The following ZPR1 variants were observed in gnomAD, a reference collection of about 807,000 sequenced individuals.
The protein encoded by ZPR1 is ZPR1 zinc finger, also known as zinc finger protein ZPR1.
In ZPR1, 37 loss-of-function variants were observed where a neutral mutation model predicts 59.6. The observed-to-expected ratio is 0.62, with a 90% CI of 0.48 to 0.82. The LOEUF is 0.82. Among genes scored for constraint, ZPR1 ranks in the 40% least tolerant of loss-of-function variants. ZPR1 has a pLI of 0.00. For missense variants in ZPR1, 527 were observed against 579.9 expected (o/e 0.91, Z 0.94); for synonymous variants, 191 against 215.2 (o/e 0.89, Z 0.99).
chr11:116,787,849 C>CG lies in ZPR1; in HGVS notation c.141dup (p.Glu48ArgfsTer74). The CG allele has an allele frequency of 1.3e-6, 2 of 1,558,558 alleles. No homozygotes were observed. Among genetic ancestry groups the CG allele is most frequent in the Non-Finnish European group, 1.7e-6 (2 of 1,152,962 alleles). ...CAGTAACAGTTCATGCATAGCGACT[C>CG]GATCTCGGTGGGCTGCTGCTCCTCG... On this transcript the variant is annotated frameshift_variant, in exon 1 of 14. Coordinates refer to ENST00000227322, the MANE Select transcript of ZPR1 (RefSeq NM_003904.5). LOFTEE classifies it high-confidence loss of function.
At position 116,786,887 on chromosome 11, in the gene ZPR1, C is replaced by A. The variant is rs1940895484; in HGVS notation, c.424+82G>T. 3.6e-6 allele frequency: 4 copies of A among 1,124,686 alleles called. No homozygotes were observed. In the Admixed American group the frequency reaches 5.1e-5, roughly 14 times the overall value. The allele number at this position is 1,124,686 out of a possible 1,614,324, so 69.7% of individuals were successfully genotyped here. ...AGAACCCATACACAAACCACTAGAC[C>A]TGGCACCAGGGGGTTTTGCAAGAAA... On this transcript the variant is annotated intron_variant, in intron 3 of 13. Transcript: ENST00000227322.
chr11:116,787,771 C>T (rs753623847), intron 1 of ZPR1, 49 bp downstream of exon 1: 3 of 1,524,560 alleles, frequency 2.0e-6, no homozygotes, highest in Admixed American at 4.1e-5. Context: ...CGGCTCGTCC[C>T]GGCACAAGCC....
chr11:116,787,874 G>T lies in ZPR1; in HGVS notation c.117C>A (p.Asp39Glu). The change falls in exon 1 of 14, where the codon GAC becomes GAA. Residue 39 changes from aspartate (D) to glutamate (E), a missense_variant. Physicochemically the swap from Asp to Glu is conservative, Grantham distance 45. Transcript: ENST00000227322. ...DHLFRPISAE[D>E]EEQQPTEIES... The stretch of plus-strand genomic sequence containing the variant: ...CGATCTCGGTGGGCTGCTGCTCCTC[G>T]TCCTCGGCGCTGATGGGCCGGAACA... 6.5e-7 allele frequency: 1 copy of T among 1,531,512 alleles called. No homozygotes were observed. 94.9% of individuals were successfully genotyped at this position (1,531,512 alleles called of 1,614,324 possible). A position where few individuals can be genotyped will look rare whatever the true frequency, so the allele number is the denominator to read the frequency against.
chr11:116,778,935 G>A lies in ZPR1; in HGVS notation c.1370C>T (p.Pro457Leu), dbSNP rs758463265. The change falls in exon 14 of 14, where the codon CCG (proline) becomes CTG (leucine). Residue 457 changes from proline (P) to leucine (L), a missense_variant. Physicochemically the swap from Pro to Leu is moderately conservative, Grantham distance 98. Coordinates refer to ENST00000227322, the MANE Select transcript of ZPR1 (RefSeq NM_003904.5). Reference sequence around the variant, plus strand: ...TTGAGCCACCCACTGCTACCGTTGCGGAGCCAGGCCTGCCTCATAGCCCTC... The same window carrying A: ...TTGAGCCACCCACTGCTACCGTTGCAGAGCCAGGCCTGCCTCATAGCCCTC... The part of the protein sequence containing the change: ...KTEGYEAGLA[P>L]QR The A allele has an allele frequency of 1.5e-5, 25 of 1,613,678 alleles. No homozygotes were observed. Among genetic ancestry groups the A allele is most frequent in the East Asian group, 4.5e-5 (2 of 44,886 alleles).
At chr11:116,786,448 C>T in intron 4 of ZPR1, 63 bp downstream of exon 4, 2 of 1,584,186 alleles carry the variant, frequency 1.3e-6, no homozygotes, top group Non-Finnish European at 1.7e-6. Context: ...TCTTCAGACA[C>T]ATGGGACACT....
chr11:116,779,879 C>A (rs914952197), intron 12 of ZPR1, 42 bp from the exon 13 acceptor site: 6 of 1,105,482 alleles, frequency 5.4e-6, no homozygotes, highest in Non-Finnish European at 6.4e-6. Flanking sequence ...TTTACATAAC[C>A]CCTGGTAAAA....
chr11:116,778,816 T>C lies in ZPR1; in HGVS notation c.*109A>G. Reference sequence around the variant, plus strand: ...CTCAGACCAGATGTCCTCCCCACCATGGGCAAGGGCTGGTGGGAAAGACAC... The same window carrying C: ...CTCAGACCAGATGTCCTCCCCACCACGGGCAAGGGCTGGTGGGAAAGACAC... On this transcript the variant is annotated 3_prime_UTR_variant, in exon 14 of 14. Coordinates refer to ENST00000227322, the MANE Select transcript of ZPR1 (RefSeq NM_003904.5). 1.4e-6 allele frequency: 2 copies of C among 1,387,048 alleles called. No homozygotes were observed. Among genetic ancestry groups the C allele is most frequent in the Non-Finnish European group, 1.9e-6 (2 of 1,031,978 alleles). The allele number at this position is 1,387,048 out of a possible 1,614,324, so 85.9% of individuals were successfully genotyped here. A position where few individuals can be genotyped will look rare whatever the true frequency, so the allele number is the denominator to read the frequency against.
Position 116,778,860 on chromosome 11 carries a change from T to C in ZPR1, c.*65A>G. 1.3e-6 allele frequency: 2 copies of C among 1,580,118 alleles called. No individual in the cohort carries two copies. The highest frequency in any genetic ancestry group is 1.8e-5 in the Admixed American group (1 of 56,720). ...AAGACACTCCCAGCCTTCGCCTTCA[T>C]CCAATACTAATAAATAACCTACAGA... On this transcript the variant is annotated 3_prime_UTR_variant, in exon 14 of 14. Coordinates refer to ENST00000227322, the MANE Select transcript of ZPR1 (RefSeq NM_003904.5).
chr11:116,785,062 C>T, intron 7 of ZPR1, 37 bp downstream of exon 7: 1 of 1,613,872 alleles, frequency 6.2e-7, no homozygotes, highest in Non-Finnish European at 8.5e-7. Context: ...CAGCCCACAA[C>T]TCTGCTCCTT....
chr11:116,779,564 CT>C (rs1158870470), intron 13 of ZPR1, among the ~76,000 whole-genome samples: 7 of 150,788 alleles, frequency 4.6e-5, no homozygotes, highest in African/African-American at 1.5e-4. Flanking sequence ...TCAGAGTATC[CT>C]TTTTTTTTCC....
chr11:116,783,462 T>A, intron 10 of ZPR1, 68 bp downstream of exon 10: 1 of 1,374,472 alleles, frequency 7.3e-7, no homozygotes, highest in Non-Finnish European at 1.0e-6. Flanking sequence ...AAAAGACAAC[T>A]TCCCCTAGAT....
At chr11:116,782,292 G>A (rs1565320891) in intron 11 of ZPR1, 48 bp from the exon 12 acceptor site, 3 of 1,547,188 alleles carry the variant, frequency 1.9e-6, no homozygotes, top group Non-Finnish European at 2.7e-6. Flanking sequence ...CTTTATATTT[G>A]TTAGGCCTGA....
At position 116,775,891 on chromosome 11, in the gene ZPR1, G is replaced by C. The variant is rs1940716727; in HGVS notation, c.*3034C>G. On this transcript the variant is annotated 3_prime_UTR_variant, in exon 14 of 14. Coordinates refer to ENST00000227322, the MANE Select transcript of ZPR1 (RefSeq NM_003904.5). ...AGTGTGTAAAAAACATTTTTTAATA[G>C]GAATAAAGCCAAGTAGTCTTAGCCA... is the stretch of plus-strand genomic sequence containing the variant. The C allele has an allele frequency of 6.5e-6, 1 of 154,610 alleles. No homozygotes were observed. The highest frequency in any genetic ancestry group is 1.5e-5 in the Non-Finnish European group (1 of 68,050). The allele number at this position is 154,610 out of a possible 1,614,324, so 9.6% of individuals were successfully genotyped here. A position where few individuals can be genotyped will look rare whatever the true frequency, so the allele number is the denominator to read the frequency against.
chr11:116,787,063 G>A lies in ZPR1; in HGVS notation c.334-4C>T. The A allele has an allele frequency of 6.2e-7, 1 of 1,612,816 alleles. No individual in the cohort carries two copies. Among genetic ancestry groups the A allele is most frequent in the Non-Finnish European group, 8.5e-7 (1 of 1,178,812 alleles). On this transcript the variant is annotated splice_polypyrimidine_tract_variant and splice_region_variant and intron_variant, in intron 2 of 13. Transcript: ENST00000227322. The stretch of plus-strand genomic sequence containing the variant: ...TCACCACTTCTCTGTTCATGTCCTG[G>A]GAAGAAAAGAATACGTTCAGTACAA...
intron 9 of ZPR1, among the ~76,000 whole-genome samples, chr11:116,784,130 A>C (rs1038869901): frequency 1.3e-5 from 2 of 152,196 alleles, no homozygotes; most frequent in Non-Finnish European, 2.9e-5. Context: ...GGAGTGGGTC[A>C]AAAGACTTCT....
chr11:116,786,858 T>C, intron 3 of ZPR1, 111 bp downstream of exon 3: 2 of 877,876 alleles, frequency 2.3e-6, no homozygotes, highest in South Asian at 1.4e-5. Context: ...AATGATTACA[T>C]GGTAGAACCC....
rs778468735 is a variant in ZPR1, at chr11:116,783,622, G to A, written c.892-3C>T. The A allele has an allele frequency of 6.2e-7, 1 of 1,613,544 alleles. No individual in the cohort carries two copies. Among genetic ancestry groups the A allele is most frequent in the South Asian group, 1.1e-5 (1 of 91,070 alleles). ...TCTACTGCTCCTCCAGATTTCACCT[G>A]CATCGATAACAGTCAGGAGCAACAG... On this transcript the variant is annotated splice_region_variant and splice_polypyrimidine_tract_variant and intron_variant, in intron 9 of 13. Coordinates refer to ENST00000227322, the MANE Select transcript of ZPR1 (RefSeq NM_003904.5).
At chr11:116,783,413 G>A (rs1020890423) in intron 10 of ZPR1, 117 bp downstream of exon 10, 1 of 868,372 alleles carries the variant, frequency 1.2e-6, no homozygotes, top group Non-Finnish European at 1.9e-6. Context: ...TCAAAGCCAG[G>A]GAAGTAGGAG....
In ZPR1 at chr11:116,784,879, C is replaced by T. The variant is rs529843898; in HGVS notation, c.796G>A (p.Ala266Thr). 6.8e-6 allele frequency: 11 copies of T among 1,614,192 alleles called. No individual in the cohort carries two copies. The highest frequency in any genetic ancestry group is 3.3e-5 in the South Asian group (3 of 91,088). Residue 266 changes from alanine (A) to threonine (T), a missense_variant, in exon 8 of 14, where the codon GCT (alanine) becomes ACT (threonine). By Grantham distance (58) the Ala-to-Thr change is moderately conservative (BLOSUM62 0). Transcript: ENST00000227322. ...CGTACTAGCTTCATGTTGGTCTGAGCGGGGGCATTGCATTCTGGGCAGTTT... is the reference window on the plus strand; with the variant it reads ...CGTACTAGCTTCATGTTGGTCTGAGTGGGGGCATTGCATTCTGGGCAGTTT... ...STNCPECNAP[A>T]QTNMKLVQIP...
Sources: allele counts gnomAD v4.1 joint callset (sites outside exome capture counted in the v4.1 genomes callset), GRCh38; gene constraint gnomAD v4.1.1; transcripts MANE v1.5; gene names NCBI Gene and HGNC (gene_info 2026-07-23, HGNC 2026-07-21).